Variants in ADAMTS3 observed in about 807,000 individuals in gnomAD.
The protein encoded by ADAMTS3 is A disintegrin and metalloproteinase with thrombospondin motifs 3.
In ADAMTS3, 73 loss-of-function variants were observed where a neutral mutation model predicts 129.0. The observed-to-expected ratio is 0.57, with a 90% CI of 0.47 to 0.69. The LOEUF is 0.69. Ranked by LOEUF, ADAMTS3 falls within the 30% of genes least tolerant of loss-of-function variation. ADAMTS3 has a pLI of 0.00. For synonymous variants in ADAMTS3, 477 were observed against 510.8 expected (o/e 0.93, Z 0.89); for missense variants, 1,457 against 1,514.5 (o/e 0.96, Z 0.63).
chr4:72,541,419 T>C (rs1269111336), intron 3 of ADAMTS3, among the ~76,000 whole-genome samples: 1 of 152,208 alleles, frequency 6.6e-6, no homozygotes, highest in Non-Finnish European at 1.5e-5. Flanking sequence ...AGATGAGACT[T>C]TGGACTGCGG....
At chr4:72,443,003 G>T (rs1465064864) in intron 3 of ADAMTS3, among the ~76,000 whole-genome samples, 1 of 151,610 alleles carries the variant, frequency 6.6e-6, no homozygotes, top group Non-Finnish European at 1.5e-5. Flanking sequence ...ACGATAAAAG[G>T]TTTATAATAT....
chr4:72,410,567 G>C (rs926692684), intron 4 of ADAMTS3, among the ~76,000 whole-genome samples: 1 of 152,088 alleles, frequency 6.6e-6, no homozygotes, highest in African/African-American at 2.4e-5. Context: ...GTAAAATGCT[G>C]AATGATGTCA....
chr4:72,397,448 C>A (rs1487907620), intron 4 of ADAMTS3, among the ~76,000 whole-genome samples: 1 of 151,808 alleles, frequency 6.6e-6, no homozygotes, highest in Non-Finnish European at 1.5e-5. Flanking sequence ...GCTTGTAATC[C>A]CAGCTACTCA....
chr4:72,532,110 C>A (rs1489810746), intron 3 of ADAMTS3, among the ~76,000 whole-genome samples: 5 of 150,948 alleles, frequency 3.3e-5, no homozygotes, highest in East Asian at 1.9e-4. Context: ...CTAGAAAAAA[C>A]CAGTATCCAG....
intron 5 of ADAMTS3, among the ~76,000 whole-genome samples, chr4:72,338,324 C>T (rs1164749172): frequency 6.6e-6 from 1 of 152,098 alleles, no homozygotes. Context: ...CCTCTGAACA[C>T]ATCTATTGCC....
At chr4:72,554,970 A>G (rs1210418353) in intron 2 of ADAMTS3, among the ~76,000 whole-genome samples, 1 of 151,818 alleles carries the variant, frequency 6.6e-6, no homozygotes, top group Non-Finnish European at 1.5e-5. Flanking sequence ...GAGCTAATCA[A>G]TTCACAGTGC....
intron 4 of ADAMTS3, among the ~76,000 whole-genome samples, chr4:72,363,044 T>C (rs1001980474): frequency 4.6e-5 from 7 of 152,068 alleles, no homozygotes; most frequent in Non-Finnish European, 1.0e-4. Context: ...AAATGCAGCA[T>C]GCTGGTGTAT....
At position 72,312,345 on chromosome 4, in the gene ADAMTS3, G is replaced by A. The variant is rs1719263304; in HGVS notation, c.1867C>T (p.His623Tyr). ...RAQQCQQRNS[H>Y]FEYQNTKHHW... Reference sequence around the variant, plus strand: ...TGTTTGGTATTCTGGTATTCAAAGTGGGAGTTTCGCTGCTGACACTGCTGT... The same window carrying A: ...TGTTTGGTATTCTGGTATTCAAAGTAGGAGTTTCGCTGCTGACACTGCTGT... The change falls in exon 13 of 22, where the codon CAC (histidine) becomes TAC (tyrosine). Residue 623 changes from histidine (H) to tyrosine (Y), a missense_variant. Physicochemically the swap from His to Tyr is moderately conservative, Grantham distance 83. Coordinates refer to ENST00000286657, the MANE Select transcript of ADAMTS3 (RefSeq NM_014243.3). 6.2e-7 allele frequency: 1 copy of A among 1,613,810 alleles called. No homozygotes were observed. Among genetic ancestry groups the A allele is most frequent in the Non-Finnish European group, 8.5e-7 (1 of 1,179,794 alleles).
chr4:72,567,252 G>C, intron 2 of ADAMTS3, 122 bp downstream of exon 2: 1 of 962,918 alleles, frequency 1.0e-6, no homozygotes, highest in Non-Finnish European at 1.6e-6. Context: ...AATGTTTCCG[G>C]ACTACAGATT....
intron 3 of ADAMTS3, among the ~76,000 whole-genome samples, chr4:72,452,842 A>T (rs1714694492): frequency 6.6e-6 from 1 of 151,762 alleles, no homozygotes; most frequent in Admixed American, 6.6e-5. Context: ...TACTTGTGTC[A>T]AATAGCCAAA....
At chr4:72,356,608 T>C (rs1020733411) in intron 4 of ADAMTS3, among the ~76,000 whole-genome samples, 2 of 151,794 alleles carry the variant, frequency 1.3e-5, no homozygotes, top group African/African-American at 4.8e-5. Flanking sequence ...AAGAAATAAA[T>C]GTTACCATTT....
chr4:72,530,352 AAATT>A (rs1720974597), intron 3 of ADAMTS3, among the ~76,000 whole-genome samples: 2 of 85,300 alleles, frequency 2.3e-5, no homozygotes, highest in Non-Finnish European at 4.0e-5. Flanking sequence ...AATATATATT[AAATT>A]AATATATAAA....
At chr4:72,409,558 T>C (rs1722136946) in intron 4 of ADAMTS3, among the ~76,000 whole-genome samples, 1 of 140,506 alleles carries the variant, frequency 7.1e-6, no homozygotes. Flanking sequence ...TTCAATTCTT[T>C]ATTGGAAAAA....
In ADAMTS3 at chr4:72,319,518, T is replaced by C. The variant is rs147917208; in HGVS notation, c.1209-43A>G. ...CTCAGTGGTAAGAATCAGGGGCTACTGCCTTCACTTAATTTTGGTTTTGAA... is the reference window on the plus strand; with the variant it reads ...CTCAGTGGTAAGAATCAGGGGCTACCGCCTTCACTTAATTTTGGTTTTGAA... On this transcript the variant is annotated intron_variant, in intron 8 of 21. Coordinates refer to ENST00000286657, the MANE Select transcript of ADAMTS3 (RefSeq NM_014243.3). The C allele has an allele frequency of 5.5e-4, 861 of 1,562,024 alleles. 5 individuals carry two copies. In the African/African-American group the frequency reaches 8.2e-3, roughly 15 times the overall value.
chr4:72,493,836 T>C (rs1240755497), intron 3 of ADAMTS3, among the ~76,000 whole-genome samples: 5 of 152,134 alleles, frequency 3.3e-5, no homozygotes, highest in African/African-American at 4.8e-5. Context: ...TTTTTAAAAA[T>C]AATTTTACAA....
intron 2 of ADAMTS3, among the ~76,000 whole-genome samples, chr4:72,560,881 C>G (rs1355119098): frequency 6.6e-6 from 1 of 152,074 alleles, no homozygotes; most frequent in African/African-American, 2.4e-5. Context: ...TAGTATTATG[C>G]ATATGTTACA....
chr4:72,502,247 G>T (rs180806647), intron 3 of ADAMTS3, among the ~76,000 whole-genome samples: 1 of 152,136 alleles, frequency 6.6e-6, no homozygotes, highest in East Asian at 1.9e-4. Context: ...CTGGTCTGGG[G>T]CTTCTTTTTG....
intron 2 of ADAMTS3, among the ~76,000 whole-genome samples, chr4:72,559,378 G>C (rs1325392749): frequency 1.3e-5 from 2 of 151,918 alleles, no homozygotes; most frequent in Admixed American, 1.3e-4. Context: ...AACTGGTTTT[G>C]CACCATTCCT....
chr4:72,381,929 A>G (rs1050634196), intron 4 of ADAMTS3, among the ~76,000 whole-genome samples: 6 of 152,202 alleles, frequency 3.9e-5, no homozygotes, highest in African/African-American at 1.4e-4. Flanking sequence ...CTGAGGATAT[A>G]TGTATACCAT....
Sources: gnomAD v4.1 joint callset for allele counts (sites outside exome capture counted in the v4.1 genomes callset) on GRCh38, gnomAD v4.1.1 for gene constraint, MANE v1.5 for transcripts, NCBI Gene and HGNC (gene_info 2026-07-23, HGNC 2026-07-21) for gene names.